The following DNAH7 variants were observed in gnomAD, a reference collection of about 807,000 sequenced individuals.
DNAH7 encodes axonemal beta dynein heavy chain 7.
A neutral mutation model predicts 444.6 loss-of-function variants in DNAH7; 397 were observed. The ratio of observed to expected loss-of-function variants is 0.89; its 90% confidence interval spans 0.82 to 0.97. The LOEUF (loss-of-function observed/expected upper bound fraction) is 0.97, where lower values mean the gene tolerates loss of function less well. DNAH7 is among the 50% of genes least tolerant of loss of function. The pLI, the probability that DNAH7 is intolerant of heterozygous loss-of-function variation, is 0.00. For synonymous variants in DNAH7, 1,636 were observed against 1,624.4 expected (o/e 1.01, Z -0.17); for missense variants, 4,902 against 4,800.8 (o/e 1.02, Z -0.62).
intron 19 of DNAH7, among the ~76,000 whole-genome samples, chr2:195,947,292 T>C (rs1018320970): frequency 8.6e-5 from 13 of 151,928 alleles, no homozygotes; most frequent in African/African-American, 3.1e-4. Flanking sequence ...ACATGTCTTA[T>C]TTTTTTAAAT....
chr2:195,973,598 G>T (rs1691993469), intron 15 of DNAH7, among the ~76,000 whole-genome samples: 3 of 151,846 alleles, frequency 2.0e-5, no homozygotes, highest in Admixed American at 6.6e-5. Context: ...CAGCCTCCCA[G>T]GTAGCTGGGA....
intron 24 of DNAH7, among the ~76,000 whole-genome samples, chr2:195,916,926 C>G (rs1002645342): frequency 6.6e-6 from 1 of 151,072 alleles, no homozygotes; most frequent in Admixed American, 6.6e-5. Context: ...GGTGAAACCC[C>G]GTCTCTACTA....
Position 195,861,795 on chromosome 2 carries a change from T to C in DNAH7, c.7658A>G (p.Gln2553Arg), listed in dbSNP as rs747648189. 2.5e-6 allele frequency: 4 copies of C among 1,613,770 alleles called. No homozygotes were observed. In the East Asian group the frequency reaches 6.7e-5, roughly 27 times the overall value. ...GGTAGGAGTCACATAATTGTATCTT[T>C]GAAGTTCAACAAAGAAAGATTTGGA... ...DLSKSFFVEL[Q>R]RYNYVTPTSY... The change falls in exon 42 of 65, where the codon CAA (glutamine) becomes CGA (arginine). Residue 2553 changes from glutamine (Q) to arginine (R), a missense_variant. Gln to Arg is a conservative substitution (Grantham distance 43). Transcript: ENST00000312428.
At chr2:195,797,614 C>G (rs976432295) in intron 55 of DNAH7, among the ~76,000 whole-genome samples, 1 of 152,162 alleles carries the variant, frequency 6.6e-6, no homozygotes, top group Non-Finnish European at 1.5e-5. Flanking sequence ...TAGAAGTGAA[C>G]ACTTCCACCA....
chr2:195,965,997 G>A (rs1691448548), intron 17 of DNAH7, among the ~76,000 whole-genome samples: 1 of 151,066 alleles, frequency 6.6e-6, no homozygotes, highest in African/African-American at 2.4e-5. Context: ...TACTGATTTT[G>A]GGTTTGGTTT....
At chr2:195,766,438 G>T (rs1453004213) in intron 61 of DNAH7, among the ~76,000 whole-genome samples, 2 of 151,942 alleles carry the variant, frequency 1.3e-5, no homozygotes, top group Admixed American at 1.3e-4. Flanking sequence ...AAAGTGCTGG[G>T]ATTACAGGCG....
At chr2:195,754,081 T>C (rs1693946152) in intron 63 of DNAH7, among the ~76,000 whole-genome samples, 1 of 152,172 alleles carries the variant, frequency 6.6e-6, no homozygotes, top group South Asian at 2.1e-4. Context: ...ACATATATTC[T>C]TTATCCAGAT....
chr2:195,872,349 G>C lies in DNAH7; in HGVS notation c.6534C>G (p.Phe2178Leu), dbSNP rs771380924. The change falls in exon 40 of 65, where the codon TTC becomes TTG. Residue 2178 changes from phenylalanine (F) to leucine (L), a missense_variant. Coordinates refer to ENST00000312428, the MANE Select transcript of DNAH7 (RefSeq NM_018897.3). ...LPTPAKSHYL[F>L]NLRDFSRVIQ... is the part of the protein sequence containing the mutation. ...TGACACGGGAGAAATCACGGAGGTT[G>C]AACAAGTAGTGAGATTTAGCTGGAG... The C allele has an allele frequency of 1.2e-6, 2 of 1,613,906 alleles. No homozygotes were observed. Among genetic ancestry groups the C allele is most frequent in the Non-Finnish European group, 1.7e-6 (2 of 1,179,908 alleles).
chr2:195,972,339 T>C lies in DNAH7; in HGVS notation c.1961A>G (p.Asn654Ser). ...NFSPADMRLN[N>S]SVFQWYGRMG... ...CCTTCCATACCACTGGAAAACACTA[T>C]TATTTAGCCTCATGTCTGCTGGAGA... The change falls in exon 16 of 65, where the codon AAT (asparagine) becomes AGT (serine). Residue 654 changes from asparagine to serine, a missense_variant. By Grantham distance (46) the Asn-to-Ser change is conservative. Coordinates refer to ENST00000312428, the MANE Select transcript of DNAH7 (RefSeq NM_018897.3). 2 of 1,614,142 alleles carry C rather than the reference T, an allele frequency of 1.2e-6. No homozygotes were observed. Among genetic ancestry groups the C allele is most frequent in the Non-Finnish European group, 1.7e-6 (2 of 1,180,020 alleles).
intron 40 of DNAH7, 137 bp from the exon 41 acceptor site, chr2:195,865,158 C>A (rs1414297529): frequency 1.3e-6 from 1 of 745,900 alleles, no homozygotes; most frequent in East Asian, 2.7e-5. Flanking sequence ...TCCAAATAAT[C>A]AGGACTGATT....
intron 38 of DNAH7, 84 bp downstream of exon 38, chr2:195,875,589 CAA>C: frequency 7.6e-7 from 1 of 1,322,970 alleles, no homozygotes; most frequent in Non-Finnish European, 1.0e-6. Context: ...CACTGCAACT[CAA>C]AAGAGGATTT....
Position 195,794,380 on chromosome 2 carries a change from G to T in DNAH7, c.10674C>A (p.Asp3558Glu). The change falls in exon 57 of 65, where the codon GAC (aspartate) becomes GAA (glutamate). Residue 3558 changes from aspartate to glutamate, a missense_variant. Coordinates refer to ENST00000312428, the MANE Select transcript of DNAH7 (RefSeq NM_018897.3). Reference sequence around the variant, plus strand: ...CAAAGAACTCCGGATCAGAGATCGGGTCCATGAGGTATGATCGAATGATAT... The same window carrying T: ...CAAAGAACTCCGGATCAGAGATCGGTTCCATGAGGTATGATCGAATGATAT... Reference protein sequence around the residue: ...RANIIRSYLMDPISDPEFFGS... With the variant: ...RANIIRSYLMEPISDPEFFGS... The T allele has an allele frequency of 1.2e-6, 2 of 1,614,068 alleles. No individual in the cohort carries two copies. The highest frequency in any genetic ancestry group is 8.5e-7 in the Non-Finnish European group (1 of 1,180,010).
intron 63 of DNAH7, among the ~76,000 whole-genome samples, chr2:195,744,148 T>TC (rs1458277204): frequency 6.6e-6 from 1 of 152,180 alleles, no homozygotes; most frequent in Non-Finnish European, 1.5e-5. Flanking sequence ...GAAAATCGGG[T>TC]CACTCCCACC....
intron 10 of DNAH7, among the ~76,000 whole-genome samples, chr2:196,011,788 C>G (rs1315354821): frequency 6.6e-6 from 1 of 152,128 alleles, no homozygotes; most frequent in Non-Finnish European, 1.5e-5. Context: ...AAGGTTTGTA[C>G]TCTACTCTGT....
chr2:195,809,222 C>A (rs895756020), intron 52 of DNAH7, among the ~76,000 whole-genome samples: 5 of 152,160 alleles, frequency 3.3e-5, no homozygotes, highest in African/African-American at 1.2e-4. Context: ...AGGCAGAAAC[C>A]CATCAATGTG....
At chr2:196,010,934 T>G (rs907252128) in intron 10 of DNAH7, among the ~76,000 whole-genome samples, 1 of 152,108 alleles carries the variant, frequency 6.6e-6, no homozygotes, top group Non-Finnish European at 1.5e-5. Context: ...CTTATTCATA[T>G]GTGGAAGCTA....
At chr2:196,024,386 A>G (rs1695553282) in intron 8 of DNAH7, 43 bp downstream of exon 8, 1 of 1,308,022 alleles carries the variant, frequency 7.6e-7, no homozygotes, top group African/African-American at 1.5e-5. Context: ...ATATACAGAA[A>G]TGGTCACATA....
rs1699658944 is a variant in DNAH7, at chr2:195,855,734, G to A, written c.8595+77C>T. ...ACCAGGAAGGAAACAGGACTGGTGTGTTATGTGCTAGTACGAACATCATTC... is the reference window on the plus strand; with the variant it reads ...ACCAGGAAGGAAACAGGACTGGTGTATTATGTGCTAGTACGAACATCATTC... On this transcript the variant is annotated intron_variant, in intron 45 of 64. Transcript: ENST00000312428. 7.3e-6 allele frequency: 11 copies of A among 1,506,888 alleles called. No individual in the cohort carries two copies. In the Admixed American group the frequency reaches 1.6e-4, roughly 22 times the overall value. The allele number at this position is 1,506,888 out of a possible 1,614,324, so 93.3% of individuals were successfully genotyped here. A position where few individuals can be genotyped will look rare whatever the true frequency, so the allele number is the denominator to read the frequency against.
At chr2:196,032,681 T>C (rs77308199) in intron 5 of DNAH7, among the ~76,000 whole-genome samples, 1,766 of 152,320 alleles carry the variant, frequency 0.012, 37 homozygotes, top group African/African-American at 0.04. Context: ...ACTAATGAAT[T>C]TGATCAAACA....
Sources: allele counts gnomAD v4.1 joint callset (sites outside exome capture counted in the v4.1 genomes callset), GRCh38; gene constraint gnomAD v4.1.1; transcripts MANE v1.5; gene names NCBI Gene and HGNC (gene_info 2026-07-23, HGNC 2026-07-21).